BANK1: variants seen among roughly 807,000 people sequenced by gnomAD.
BANK1 encodes the protein B cell scaffold protein with ankyrin repeats 1, also known as B-cell scaffold protein with ankyrin repeats.
Under a neutral mutation model 94.5 loss-of-function variants are expected in BANK1, and 95 were observed. The ratio of observed to expected loss-of-function variants is 1.00; its 90% CI spans 0.85 to 1.19. The LOEUF (loss-of-function observed/expected upper bound fraction) is 1.19. Ranked by LOEUF, BANK1 falls within the 50% of genes most tolerant of loss-of-function variation. The pLI, the probability that BANK1 is intolerant of heterozygous loss-of-function variation, is 0.00. For synonymous variants in BANK1, 334 were observed against 308.4 expected (o/e 1.08, Z -0.87); for missense variants, 987 against 932.2 (o/e 1.06, Z -0.77).
intron 11 of BANK1, among the ~76,000 whole-genome samples, chr4:102,059,686 C>T (rs1027098923): frequency 4.6e-5 from 7 of 152,126 alleles, no homozygotes; most frequent in Non-Finnish European, 1.0e-4. Context: ...CATTTCACTA[C>T]AAAATGACCA....
chr4:102,042,777 A>T (rs1727742643), intron 10 of BANK1, among the ~76,000 whole-genome samples: 1 of 152,024 alleles, frequency 6.6e-6, no homozygotes, highest in Non-Finnish European at 1.5e-5. Flanking sequence ...GGAACAAGAG[A>T]TACAACTGTG....
chr4:101,807,472 C>T (rs72686713), intron 1 of BANK1, among the ~76,000 whole-genome samples: 1,837 of 152,228 alleles, frequency 0.012, 14 homozygotes, highest in Non-Finnish European at 0.019. Context: ...TCCTGGAAGT[C>T]ATCAGGATTG....
chr4:101,941,824 G>A (rs1195203023), intron 7 of BANK1, among the ~76,000 whole-genome samples: 1 of 151,664 alleles, frequency 6.6e-6, no homozygotes, highest in East Asian at 1.9e-4. Context: ...TTTGACAATT[G>A]AGTACTGCTA....
At chr4:101,966,262 A>G (rs935090752) in intron 7 of BANK1, among the ~76,000 whole-genome samples, 5 of 151,966 alleles carry the variant, frequency 3.3e-5, no homozygotes, top group African/African-American at 1.2e-4. Flanking sequence ...TTTGCAAAAT[A>G]GAGGACAAGA....
chr4:101,898,169 G>T (rs1328009094), intron 6 of BANK1, among the ~76,000 whole-genome samples: 1 of 151,636 alleles, frequency 6.6e-6, no homozygotes, highest in African/African-American at 2.4e-5. Flanking sequence ...TATATAATAA[G>T]AATATGCAGT....
intron 1 of BANK1, among the ~76,000 whole-genome samples, chr4:101,815,083 A>C (rs970114225): frequency 6.6e-6 from 1 of 152,148 alleles, no homozygotes; most frequent in Non-Finnish European, 1.5e-5. Context: ...TTTGTTACTG[A>C]TGAAGTTGAT....
intron 7 of BANK1, among the ~76,000 whole-genome samples, chr4:101,992,990 A>C (rs1209904979): frequency 1.3e-5 from 2 of 152,162 alleles, no homozygotes; most frequent in Non-Finnish European, 2.9e-5. Flanking sequence ...AGTCGTCCTA[A>C]ATGTGTAGGT....
chr4:101,966,745 T>C (rs1340031540), intron 7 of BANK1, among the ~76,000 whole-genome samples: 1 of 152,024 alleles, frequency 6.6e-6, no homozygotes, highest in African/African-American at 2.4e-5. Context: ...AAGAAATATT[T>C]ACCATTGGCC....
intron 5 of BANK1, among the ~76,000 whole-genome samples, chr4:101,894,982 T>C (rs943231190): frequency 6.6e-6 from 1 of 151,876 alleles, no homozygotes; most frequent in African/African-American, 2.4e-5. Context: ...AATTTCATGG[T>C]TATCCTTGAC....
intron 1 of BANK1, among the ~76,000 whole-genome samples, chr4:101,797,712 G>A (rs1168705091): frequency 6.6e-6 from 1 of 152,180 alleles, no homozygotes; most frequent in African/African-American, 2.4e-5. Flanking sequence ...GAAGGAACAA[G>A]AGGACACCGG....
At chr4:101,848,410 C>A (rs759730996) in intron 2 of BANK1, among the ~76,000 whole-genome samples, 1 of 152,164 alleles carries the variant, frequency 6.6e-6, no homozygotes, top group African/African-American at 2.4e-5. Context: ...TAGGTCAAAC[C>A]CATATTTTAA....
intron 7 of BANK1, among the ~76,000 whole-genome samples, chr4:101,922,967 C>A (rs1723045484): frequency 6.6e-6 from 1 of 151,778 alleles, no homozygotes; most frequent in Non-Finnish European, 1.5e-5. Context: ...TCCCTTAAAT[C>A]TTTTTGCTTT....
intron 7 of BANK1, among the ~76,000 whole-genome samples, chr4:102,009,002 A>G (rs1451530180): frequency 3.3e-5 from 5 of 152,232 alleles, no homozygotes; most frequent in African/African-American, 1.2e-4. Flanking sequence ...CAGTAGCTTC[A>G]TCAGCACTCC....
chr4:101,888,489 C>T (rs946882258), intron 5 of BANK1, among the ~76,000 whole-genome samples: 1 of 152,142 alleles, frequency 6.6e-6, no homozygotes, highest in African/African-American at 2.4e-5. Flanking sequence ...GCCATGGGAG[C>T]ATAATTTATT....
intron 7 of BANK1, among the ~76,000 whole-genome samples, chr4:101,989,941 T>G (rs549141434): frequency 6.6e-6 from 1 of 152,278 alleles, no homozygotes; most frequent in African/African-American, 2.4e-5. Context: ...TTTTAAATGG[T>G]TTCACATGCC....
chr4:101,928,591 T>A (rs1210642841), intron 7 of BANK1, among the ~76,000 whole-genome samples: 3 of 151,728 alleles, frequency 2.0e-5, no homozygotes, highest in Non-Finnish European at 3.0e-5. Flanking sequence ...TTATTCAAAT[T>A]TGGCTCTTGG....
At chr4:101,829,200 T>G (rs1332006767) in intron 1 of BANK1, among the ~76,000 whole-genome samples, 1 of 152,194 alleles carries the variant, frequency 6.6e-6, no homozygotes, top group East Asian at 1.9e-4. Context: ...GGAGCCTGAT[T>G]GTTTCACATT....
intron 2 of BANK1, among the ~76,000 whole-genome samples, chr4:101,836,728 T>G (rs576148815): frequency 2.6e-5 from 4 of 152,278 alleles, no homozygotes; most frequent in South Asian, 4.2e-4. Flanking sequence ...CAAATCAAAC[T>G]GGGAGATTTT....
chr4:101,881,330 G>T (rs868460798), intron 5 of BANK1, among the ~76,000 whole-genome samples: 2 of 152,020 alleles, frequency 1.3e-5, no homozygotes, highest in South Asian at 4.1e-4. Flanking sequence ...ACAAAAAGGT[G>T]CTTAACATCA....
Sources: gnomAD v4.1 joint callset for allele counts (sites outside exome capture counted in the v4.1 genomes callset) on GRCh38, gnomAD v4.1.1 for gene constraint, MANE v1.5 for transcripts, NCBI Gene and HGNC (gene_info 2026-07-23, HGNC 2026-07-21) for gene names.